The following ZNF475 variants were observed in gnomAD, a reference collection of about 807,000 sequenced individuals.
ZNF475 encodes zinc finger protein 475.
the ZNF475 span, chr5:122,179,837 C>T: frequency 3.8e-6 from 3 of 786,250 alleles, no homozygotes; most frequent in Non-Finnish European, 5.6e-6. Context: ...CCAAAATCAA[C>T]AACATTTCTT....
chr5:122,169,333 T>C, the ZNF475 span, among the ~76,000 whole-genome samples: 1 of 152,202 alleles, frequency 6.6e-6, no homozygotes, highest in Non-Finnish European at 1.5e-5. Context: ...TATGTCCCCA[T>C]ATCATGACAC....
the ZNF475 span, among the ~76,000 whole-genome samples, chr5:122,163,489 C>T: frequency 1.3e-5 from 2 of 152,186 alleles, no homozygotes. Flanking sequence ...AAACTTCCTG[C>T]ATTCTATGAT....
the ZNF475 span, among the ~76,000 whole-genome samples, chr5:122,177,272 G>A: frequency 6.6e-6 from 1 of 152,200 alleles, no homozygotes; most frequent in Non-Finnish European, 1.5e-5. Flanking sequence ...ACAAGTGCTT[G>A]CAGTAGAAAG....
chr5:122,164,644 G>T, the ZNF475 span, among the ~76,000 whole-genome samples: 70 of 152,308 alleles, frequency 4.6e-4, no homozygotes, highest in African/African-American at 1.6e-3. Context: ...CTGGAACGAT[G>T]AAGCTATTCT....
At chr5:122,171,151 C>G in the ZNF475 span, among the ~76,000 whole-genome samples, 1 of 151,860 alleles carries the variant, frequency 6.6e-6, no homozygotes, top group Non-Finnish European at 1.5e-5. Context: ...CTTTGAATAT[C>G]TTTTATGAGT....
chr5:122,166,379 G>T, the ZNF475 span, among the ~76,000 whole-genome samples: 6 of 151,896 alleles, frequency 4.0e-5, no homozygotes, highest in African/African-American at 1.5e-4. Flanking sequence ...AAGTTCTAGG[G>T]TACATTTGCA....
At chr5:122,170,773 C>T in the ZNF475 span, among the ~76,000 whole-genome samples, 1 of 152,132 alleles carries the variant, frequency 6.6e-6, no homozygotes, top group South Asian at 2.1e-4. Flanking sequence ...CTGATCAGGC[C>T]TTGGTCATTC....
the ZNF475 span, among the ~76,000 whole-genome samples, chr5:122,181,645 C>T: frequency 6.6e-6 from 1 of 152,066 alleles, no homozygotes; most frequent in Non-Finnish European, 1.5e-5. Context: ...CTATGTTGTG[C>T]CAAAGATAAA....
At chr5:122,168,274 C>T in the ZNF475 span, among the ~76,000 whole-genome samples, 2 of 152,182 alleles carry the variant, frequency 1.3e-5, no homozygotes, top group Non-Finnish European at 2.9e-5. Flanking sequence ...GAACTCCTGA[C>T]CTCAGGTGAT....
chr5:122,182,510 T>G, the ZNF475 span: 2 of 1,519,052 alleles, frequency 1.3e-6, no homozygotes, highest in South Asian at 1.3e-5. Context: ...TCTATGATCT[T>G]GATGCTTTAA....
the ZNF475 span, among the ~76,000 whole-genome samples, chr5:122,182,040 G>A: frequency 6.6e-6 from 1 of 152,146 alleles, no homozygotes; most frequent in Admixed American, 6.5e-5. Context: ...ACATTCCACT[G>A]AAGGATTACA....
the ZNF475 span, among the ~76,000 whole-genome samples, chr5:122,182,284 C>G: frequency 1.3e-5 from 2 of 152,098 alleles, no homozygotes; most frequent in Non-Finnish European, 2.9e-5. Flanking sequence ...CTTGAAAGAG[C>G]GAGCAGCCCT....
At chr5:122,160,308 C>T in the ZNF475 span, 1 of 1,280,032 alleles carries the variant, frequency 7.8e-7, no homozygotes, top group Middle Eastern at 2.1e-4. Flanking sequence ...CAGAAGGCAA[C>T]CCAAGGGAAT....
chr5:122,162,220 AG>A, the ZNF475 span: 2 of 152,254 alleles, frequency 1.3e-5, no homozygotes, highest in African/African-American at 2.4e-5. Context: ...AATCTTTCTT[AG>A]GTTAAAAGGA....
chr5:122,176,630 G>A, the ZNF475 span, among the ~76,000 whole-genome samples: 2 of 152,132 alleles, frequency 1.3e-5, no homozygotes, highest in Non-Finnish European at 2.9e-5. Context: ...TGGTGGGTAG[G>A]AGAGTATACA....
chr5:122,179,443 GA>G, the ZNF475 span: 1 of 492,170 alleles, frequency 2.0e-6, no homozygotes, highest in South Asian at 3.1e-5. Flanking sequence ...AGCTCTCCTT[GA>G]AGAAGTCCTT....
the ZNF475 span, among the ~76,000 whole-genome samples, chr5:122,182,130 T>C: frequency 6.6e-6 from 1 of 152,246 alleles, no homozygotes; most frequent in South Asian, 2.1e-4. Context: ...CCAAAAGTTA[T>C]ATTTGCAAAA....
At chr5:122,176,686 C>CT in the ZNF475 span, among the ~76,000 whole-genome samples, 2 of 152,172 alleles carry the variant, frequency 1.3e-5, no homozygotes, top group Admixed American at 6.5e-5. Flanking sequence ...TTATGCTCAG[C>CT]TACTCTGCCC....
chr5:122,170,286 C>A, the ZNF475 span, among the ~76,000 whole-genome samples: 17 of 152,130 alleles, frequency 1.1e-4, no homozygotes, highest in Non-Finnish European at 8.8e-5. Context: ...AAGTTGAGGG[C>A]TCAGTCTCAC....
Sources: gnomAD v4.1 joint callset for allele counts (sites outside exome capture counted in the v4.1 genomes callset) on GRCh38, gnomAD v4.1.1 for gene constraint, MANE v1.5 for transcripts, NCBI Gene and HGNC (gene_info 2026-07-23, HGNC 2026-07-21) for gene names.